The following RGPD5 variants were observed in gnomAD, a reference collection of about 807,000 sequenced individuals.
RGPD5 encodes the protein RANBP2-like and GRIP domain-containing protein 5/6.
chr2:109,764,655 A>T, the RGPD5 span, among the ~76,000 whole-genome samples: 1 of 148,130 alleles, frequency 6.8e-6, no homozygotes, highest in African/African-American at 2.5e-5. Context: ...GAGGATGGAA[A>T]GAGGAAAAAT....
At chr2:109,760,893 T>G in the RGPD5 span, among the ~76,000 whole-genome samples, 2 of 110,838 alleles carry the variant, frequency 1.8e-5, no homozygotes, top group Non-Finnish European at 3.6e-5. Flanking sequence ...GTGGGGTGGG[T>G]CGGGGGCGCC....
chr2:109,766,869 T>C, the RGPD5 span, among the ~76,000 whole-genome samples: 3 of 150,080 alleles, frequency 2.0e-5, no homozygotes, highest in African/African-American at 4.9e-5. Flanking sequence ...TTTAATATCA[T>C]TTAATGGTAA....
At chr2:109,769,981 T>C in the RGPD5 span, among the ~76,000 whole-genome samples, 163 of 123,238 alleles carry the variant, frequency 1.3e-3, 25 homozygotes, top group East Asian at 0.014. Flanking sequence ...ATTAATACAG[T>C]TTCTTTTACA....
At chr2:109,767,487 CATTAA>C in the RGPD5 span, among the ~76,000 whole-genome samples, 1 of 134,982 alleles carries the variant, frequency 7.4e-6, no homozygotes, top group African/African-American at 2.7e-5. Flanking sequence ...CTGTGGGTCT[CATTAA>C]ATTATGTCAG....
At chr2:109,765,540 G>C in the RGPD5 span, among the ~76,000 whole-genome samples, 2 of 150,442 alleles carry the variant, frequency 1.3e-5, no homozygotes, top group East Asian at 2.0e-4. Flanking sequence ...CTGCCCGCTT[G>C]AGGGGGCATG....
At chr2:109,777,257 T>C in the RGPD5 span, among the ~76,000 whole-genome samples, 1 of 148,440 alleles carries the variant, frequency 6.7e-6, no homozygotes, top group Non-Finnish European at 1.5e-5. Flanking sequence ...CACAAAAGGA[T>C]GTGTGATTTT....
chr2:109,764,223 G>A, the RGPD5 span, among the ~76,000 whole-genome samples: 4 of 149,742 alleles, frequency 2.7e-5, no homozygotes, highest in Admixed American at 6.9e-5. Flanking sequence ...TTCAGCACCC[G>A]ACACTGTAGC....
chr2:109,766,418 G>A, the RGPD5 span, among the ~76,000 whole-genome samples: 3 of 150,522 alleles, frequency 2.0e-5, no homozygotes, highest in African/African-American at 7.3e-5. Context: ...GACTCCAGCT[G>A]GGCTGGGGCC....
the RGPD5 span, among the ~76,000 whole-genome samples, chr2:109,778,451 A>G: frequency 6.7e-6 from 1 of 149,914 alleles, no homozygotes; most frequent in African/African-American, 2.5e-5. Context: ...TTATCTCAAC[A>G]AAGGTGATTT....
chr2:109,773,373 CTT>C, the RGPD5 span, among the ~76,000 whole-genome samples: 1 of 127,630 alleles, frequency 7.8e-6, no homozygotes, highest in African/African-American at 3.3e-5. Flanking sequence ...TGTTCCCACT[CTT>C]GAGGGGAAAG....
chr2:109,765,716 C>A, the RGPD5 span, among the ~76,000 whole-genome samples: 1 of 150,454 alleles, frequency 6.6e-6, no homozygotes, highest in Non-Finnish European at 1.5e-5. Context: ...TGAAGGTAGG[C>A]TAACACAGGC....
chr2:109,761,257 C>G, the RGPD5 span, among the ~76,000 whole-genome samples: 2 of 148,360 alleles, frequency 1.3e-5, no homozygotes, highest in Non-Finnish European at 3.0e-5. Context: ...TCGGCTGCAT[C>G]CTTTCTGTCT....
At chr2:109,766,282 AG>A in the RGPD5 span, among the ~76,000 whole-genome samples, 1 of 151,088 alleles carries the variant, frequency 6.6e-6, no homozygotes, top group African/African-American at 2.4e-5. Flanking sequence ...TGGAGGAGGC[AG>A]GGGGCCTCGA....
At chr2:109,763,740 AAGG>A in the RGPD5 span, among the ~76,000 whole-genome samples, 1 of 150,316 alleles carries the variant, frequency 6.7e-6, no homozygotes, top group Non-Finnish European at 1.5e-5. Flanking sequence ...TTGAAGGAGG[AAGG>A]AGGAGGTACA....
At chr2:109,760,782 G>A in the RGPD5 span, among the ~76,000 whole-genome samples, 3 of 141,496 alleles carry the variant, frequency 2.1e-5, no homozygotes, top group African/African-American at 7.7e-5. Flanking sequence ...GTAAGTCCCC[G>A]TGCCGGCCGC....
intron 1 of RGPD5, 77 bp downstream of exon 1, chr2:109,794,614 G>T (rs867978888): frequency 1.2e-4 from 9 of 73,306 alleles, no homozygotes; most frequent in East Asian, 3.0e-3. Flanking sequence ...GCGGCGGGGG[G>T]GGCGGCGGCG....
chr2:109,765,300 C>T, the RGPD5 span, among the ~76,000 whole-genome samples: 2 of 147,820 alleles, frequency 1.4e-5, no homozygotes, highest in African/African-American at 5.0e-5. Context: ...CATGCATACA[C>T]GTAAGTGAAA....
chr2:109,794,584 G>GGGC lies in RGPD5; in HGVS notation c.72+71_72+73dup, dbSNP rs1306931180. ...CGACGGCGGCCTCGACCCGGCCGGG[G>GGGC]GGCGGCGGCGGCGGCGGCGGCGGCG... On this transcript the variant is annotated intron_variant, in intron 1 of 22. Coordinates refer to ENST00000016946, the MANE Select transcript of RGPD5 (RefSeq NM_005054.3). 1.1e-4 allele frequency: 95 copies of GGGC among 854,896 alleles called. 1 individual carries two copies. The highest frequency in any genetic ancestry group is 4.0e-4 in the African/African-American group (16 of 39,580). 53.0% of individuals were successfully genotyped at this position (854,896 alleles called of 1,614,324 possible).
At chr2:109,763,153 A>G in the RGPD5 span, among the ~76,000 whole-genome samples, 3 of 150,002 alleles carry the variant, frequency 2.0e-5, no homozygotes, top group African/African-American at 4.9e-5. Flanking sequence ...AGATGAGGAA[A>G]TAGAAGCTTT....
Sources: allele counts gnomAD v4.1 joint callset (sites outside exome capture counted in the v4.1 genomes callset), GRCh38; gene constraint gnomAD v4.1.1; transcripts MANE v1.5; gene names NCBI Gene and HGNC (gene_info 2026-07-23, HGNC 2026-07-21).